The following NRIP1 variants were observed in gnomAD, a reference collection of about 807,000 sequenced individuals.
The protein encoded by NRIP1 is nuclear receptor-interacting protein 1.
Under a neutral mutation model 75.0 loss-of-function variants are expected in NRIP1, and 28 were observed. The observed-to-expected ratio is 0.37, with a 90% CI of 0.28 to 0.51. The LOEUF is 0.51. Among genes scored for constraint, NRIP1 ranks in the 20% least tolerant of loss-of-function variants. The pLI, the probability that NRIP1 is intolerant of heterozygous loss-of-function variation, is 0.92. For synonymous variants in NRIP1, 526 were observed against 487.6 expected, an observed-to-expected ratio of 1.08 and a Z score of -1.04; for missense variants, 1,435 against 1,343.7, an observed-to-expected ratio of 1.07 and a Z score of -1.06.
In NRIP1 at chr21:14,966,859, C is replaced by A. The variant is rs1219793058; in HGVS notation, c.1334G>T (p.Cys445Phe). 3.1e-6 allele frequency: 5 copies of A among 1,613,936 alleles called. No homozygotes were observed. Among genetic ancestry groups the A allele is most frequent in the Admixed American group, 3.3e-5 (2 of 59,988 alleles). Reference protein sequence around the residue: ...YSNCVPIDLSCKHRTEKSESD... With the variant: ...YSNCVPIDLSFKHRTEKSESD... ...TTCTGATTTTTCAGTTCGGTGTTTG[C>A]AAGACAAGTCTATGGGAACACAGTT... The change falls in exon 4 of 4, where the codon TGC (cysteine) becomes TTC (phenylalanine). Residue 445 changes from cysteine (C) to phenylalanine (F), a missense_variant. By Grantham distance (205) the Cys-to-Phe change is radical (BLOSUM62 -2). Coordinates refer to ENST00000318948, the MANE Select transcript of NRIP1 (RefSeq NM_003489.4).
At chr21:15,009,480 GAC>G (rs58612477) in intron 3 of NRIP1, among the ~76,000 whole-genome samples, 4,074 of 152,274 alleles carry the variant, frequency 0.027, 136 homozygotes, top group African/African-American at 0.079. Context: ...AGCACTGAAA[GAC>G]ACAATTTTTG....
At chr21:15,035,556 C>CTTTT (rs71331704) in intron 2 of NRIP1, among the ~76,000 whole-genome samples, 2 of 134,528 alleles carry the variant, frequency 1.5e-5, no homozygotes, top group African/African-American at 2.8e-5. Context: ...TTGTATATGA[C>CTTTT]TTTTTTTTTT....
intron 3 of NRIP1, among the ~76,000 whole-genome samples, chr21:14,994,408 T>C (rs1193870117): frequency 7.2e-5 from 11 of 152,168 alleles, no homozygotes; most frequent in Non-Finnish European, 1.5e-5. Context: ...TACATGCAAA[T>C]TGCAAGATTT....
rs2086703930 is a variant in NRIP1, at chr21:14,965,368, G to A, written c.2825C>T (p.Ser942Leu). ...GGACAAATCTCGCACACAGTTTTCT[G>A]AGAGAAGCAGCTGTTTCAGAACATT... is the stretch of plus-strand genomic sequence containing the variant. ...SFNVLKQLLLSENCVRDLSPH... is the reference protein window; with the variant it reads ...SFNVLKQLLLLENCVRDLSPH... The change falls in exon 4 of 4, where the codon TCA (serine) becomes TTA (leucine). Residue 942 changes from serine (S) to leucine (L), a missense_variant. By Grantham distance (145) the Ser-to-Leu change is moderately radical. Coordinates refer to ENST00000318948, the MANE Select transcript of NRIP1 (RefSeq NM_003489.4). The A allele has an allele frequency of 4.3e-6, 7 of 1,613,918 alleles. No homozygotes were observed. The Admixed American group carries it at 8.3e-5, about 19-fold the overall frequency.
intron 3 of NRIP1, among the ~76,000 whole-genome samples, chr21:14,985,109 C>T (rs2087358200): frequency 6.6e-6 from 1 of 152,154 alleles, no homozygotes; most frequent in African/African-American, 2.4e-5. Context: ...GCCTGGTTCC[C>T]CATGAGAGTA....
At chr21:15,058,760 C>A (rs2089359573) in intron 1 of NRIP1, among the ~76,000 whole-genome samples, 1 of 152,140 alleles carries the variant, frequency 6.6e-6, no homozygotes, top group Non-Finnish European at 1.5e-5. Flanking sequence ...AACATGTGCA[C>A]ATGTTATGAA....
chr21:15,062,349 T>A (rs1255431831), intron 1 of NRIP1, among the ~76,000 whole-genome samples: 1 of 152,254 alleles, frequency 6.6e-6, no homozygotes, highest in Non-Finnish European at 1.5e-5. Flanking sequence ...TTTCCAGAAT[T>A]TCTGTAGTTG....
intron 3 of NRIP1, among the ~76,000 whole-genome samples, chr21:15,007,956 G>C (rs985327256): frequency 1.3e-5 from 2 of 152,146 alleles, no homozygotes; most frequent in African/African-American, 4.8e-5. Context: ...GTATGAAGCT[G>C]TCAGTAAATC....
intron 3 of NRIP1, among the ~76,000 whole-genome samples, chr21:14,984,409 C>T (rs2087334189): frequency 6.6e-6 from 1 of 150,798 alleles, no homozygotes; most frequent in South Asian, 2.1e-4. Context: ...GTGATCCTCC[C>T]ACATCGGCCT....
In NRIP1 at chr21:14,996,056, G is replaced by A. The variant is rs1315597349; in HGVS notation, c.-335+18288C>T. The stretch of plus-strand genomic sequence containing the variant: ...GATGTCCAACAGAAATGTAATGGGA[G>A]CCACCAATACAACTTTAAATTTTGT... On this transcript the variant is annotated intron_variant, in intron 3 of 3. Transcript: ENST00000318948. Among the ~76,000 whole-genome samples, 3 of 151,974 alleles carry A rather than the reference G, an allele frequency of 2.0e-5. No homozygotes were observed. The East Asian group carries it at 5.8e-4, about 29-fold the overall frequency.
At chr21:15,024,157 AT>A (rs2088450902) in intron 2 of NRIP1, among the ~76,000 whole-genome samples, 1 of 152,242 alleles carries the variant, frequency 6.6e-6, no homozygotes, top group African/African-American at 2.4e-5. Context: ...AAGCGTTAAG[AT>A]TAATAAATTC....
In NRIP1 at chr21:15,014,917, T is replaced by A. The variant is rs79837810; in HGVS notation, c.-457-451A>T. Among the ~76,000 whole-genome samples, 4 of 150,188 alleles carry A rather than the reference T, an allele frequency of 2.7e-5. No individual in the cohort carries two copies. In the South Asian group the frequency reaches 8.5e-4, roughly 32 times the overall value. On this transcript the variant is annotated intron_variant, in intron 2 of 3. Transcript: ENST00000318948. ...GTATGTAATCTTTGCAGCAAAAAAATTGGTAATAAATATCAAATGCCCTAT... is the reference window on the plus strand; with the variant it reads ...GTATGTAATCTTTGCAGCAAAAAAAATGGTAATAAATATCAAATGCCCTAT...
At chr21:15,060,697 T>C (rs2089406221) in intron 1 of NRIP1, among the ~76,000 whole-genome samples, 1 of 152,184 alleles carries the variant, frequency 6.6e-6, no homozygotes, top group African/African-American at 2.4e-5. Flanking sequence ...AGTGTGAACA[T>C]GCACAAAAGG....
At chr21:15,040,172 C>T (rs369663657) in intron 2 of NRIP1, among the ~76,000 whole-genome samples, 11 of 152,064 alleles carry the variant, frequency 7.2e-5, no homozygotes, top group African/African-American at 2.4e-4. Flanking sequence ...TCAAAACACA[C>T]ACCAGCTTTC....
At chr21:15,027,590 T>C (rs1045908520) in intron 2 of NRIP1, among the ~76,000 whole-genome samples, 2 of 152,212 alleles carry the variant, frequency 1.3e-5, no homozygotes, top group African/African-American at 4.8e-5. Context: ...AGAATGAGGC[T>C]AATTCATATC....
chr21:14,982,385 A>G lies in NRIP1; in HGVS notation c.-334-13859T>C, dbSNP rs188921740. 5.2e-3 allele frequency among the ~76,000 whole-genome samples: 786 copies of G among 152,304 alleles called. 4 individuals carry two copies. Among genetic ancestry groups the G allele is most frequent in the Non-Finnish European group, 9.3e-3 (631 of 68,008 alleles). On this transcript the variant is annotated intron_variant, in intron 3 of 3. Transcript: ENST00000318948. ...TTCTGCTTAGTGCCCTTCCCCCCATATCATCCTTACCATCCTCATCTTTTG... is the reference window on the plus strand; with the variant it reads ...TTCTGCTTAGTGCCCTTCCCCCCATGTCATCCTTACCATCCTCATCTTTTG...
chr21:14,981,495 T>C (rs1039911414), intron 3 of NRIP1, among the ~76,000 whole-genome samples: 3 of 152,160 alleles, frequency 2.0e-5, no homozygotes, highest in African/African-American at 7.2e-5. Context: ...CATAGTCAGA[T>C]ACAGACCCAG....
chr21:14,994,810 A>G (rs2087675410), intron 3 of NRIP1, among the ~76,000 whole-genome samples: 2 of 152,144 alleles, frequency 1.3e-5, no homozygotes. Context: ...GATAATATTA[A>G]CTATTTAACA....
At chr21:14,984,326 A>T (rs999282959) in intron 3 of NRIP1, among the ~76,000 whole-genome samples, 1 of 152,156 alleles carries the variant, frequency 6.6e-6, no homozygotes, top group East Asian at 1.9e-4. Flanking sequence ...AAATTTCTGT[A>T]ACCTCATAAT....
Sources: allele counts gnomAD v4.1 joint callset (sites outside exome capture counted in the v4.1 genomes callset), GRCh38; gene constraint gnomAD v4.1.1; transcripts MANE v1.5; gene names NCBI Gene and HGNC (gene_info 2026-07-23, HGNC 2026-07-21).